The following RBFOX1 variants were observed in gnomAD, a reference collection of about 807,000 sequenced individuals.
The protein encoded by RBFOX1 is RNA binding fox-1 homolog 1.
A neutral mutation model predicts 57.7 loss-of-function variants in RBFOX1; 8 were observed. That is an observed-to-expected ratio of 0.14 (90% CI 0.08 to 0.25). RBFOX1 has a LOEUF of 0.25. RBFOX1 is among the 10% of genes least tolerant of loss of function. The pLI, the probability that RBFOX1 is intolerant of heterozygous loss-of-function variation, is 1.00. For synonymous variants in RBFOX1, 326 were observed against 222.4 expected, an observed-to-expected ratio of 1.47 and a Z score of -4.15; for missense variants, 611 against 548.5, an observed-to-expected ratio of 1.11 and a Z score of -1.14.
chr16:5,553,821 A>T (rs905462593), intron 2 of RBFOX1, among the ~76,000 whole-genome samples: 5 of 152,094 alleles, frequency 3.3e-5, no homozygotes, highest in African/African-American at 1.2e-4. Flanking sequence ...GTTTTTATAT[A>T]ATTAAAGGTC....
Position 7,518,333 on chromosome 16 carries a change from C to T in RBFOX1, c.214C>T (p.His72Tyr). The T allele has an allele frequency of 1.9e-6, 3 of 1,613,902 alleles. No individual in the cohort carries two copies. Among genetic ancestry groups the T allele is most frequent in the Non-Finnish European group, 2.5e-6 (3 of 1,179,896 alleles). Residue 72 changes from histidine to tyrosine, a missense_variant, in exon 5 of 16, where the codon CAC becomes TAC. Coordinates refer to ENST00000550418, the MANE Select transcript of RBFOX1 (RefSeq NM_018723.4). ...TLNLYPPAQT[H>Y]SEQSPADTSA... The stretch of plus-strand genomic sequence containing the variant: ...AAACCTGTACCCTCCCGCCCAGACG[C>T]ACTCCGAGCAGAGCCCGGCGGACAC...
chr16:7,025,643 A>T (rs963167606), intron 3 of RBFOX1, among the ~76,000 whole-genome samples: 6 of 152,046 alleles, frequency 3.9e-5, no homozygotes, highest in African/African-American at 1.4e-4. Context: ...GGTTTTGGAT[A>T]GAGGGGGGCA....
At chr16:6,896,156 C>G (rs562784195) in intron 3 of RBFOX1, among the ~76,000 whole-genome samples, 24 of 152,072 alleles carry the variant, frequency 1.6e-4, no homozygotes, top group Non-Finnish European at 2.6e-4. Flanking sequence ...GTCTGTAATC[C>G]CAGCTACTCA....
intron 2 of RBFOX1, among the ~76,000 whole-genome samples, chr16:6,653,698 G>C (rs1462859140): frequency 6.6e-6 from 1 of 151,194 alleles, no homozygotes; most frequent in Non-Finnish European, 1.5e-5. Flanking sequence ...ATGAAGGAAG[G>C]AAAGATGGAT....
At chr16:6,749,038 G>A (rs1019189845) in intron 3 of RBFOX1, 1 of 152,156 alleles carries the variant, frequency 6.6e-6, no homozygotes, top group Non-Finnish European at 1.5e-5. Flanking sequence ...AATGACAGGA[G>A]GAGCCAATCT....
chr16:7,135,319 G>C (rs372018895), intron 4 of RBFOX1, among the ~76,000 whole-genome samples: 1 of 152,162 alleles, frequency 6.6e-6, no homozygotes, highest in East Asian at 1.9e-4. Flanking sequence ...TTATTTGTTT[G>C]CAAGAGGAAA....
At position 5,922,645 on chromosome 16, in the gene RBFOX1, C is replaced by G. The variant is rs888321606; in HGVS notation, c.351+55310C>G. On this transcript the variant is annotated intron_variant, in intron 4 of 19. Coordinates refer to the RBFOX1 transcript ENST00000641259. ...CTGCTGGTTTAAACCATTTAACATC[C>G]CCACCATCAGTAACCACCCACCCTC... 2.0e-5 allele frequency among the ~76,000 whole-genome samples: 3 copies of G among 152,190 alleles called. No homozygotes were observed. The East Asian group carries it at 5.8e-4, about 29-fold the overall frequency.
intron 4 of RBFOX1, among the ~76,000 whole-genome samples, chr16:7,082,744 A>G (rs970356619): frequency 7.2e-5 from 11 of 152,130 alleles, no homozygotes; most frequent in Admixed American, 3.3e-4. Flanking sequence ...ATGTATCACA[A>G]TGGCATTCAA....
intron 1 of RBFOX1, among the ~76,000 whole-genome samples, chr16:5,273,373 G>C (rs1420873417): frequency 6.6e-6 from 1 of 152,084 alleles, no homozygotes; most frequent in Non-Finnish European, 1.5e-5. Flanking sequence ...AGGCATTGGA[G>C]ATAATATAAT....
At chr16:5,658,179 A>T (rs2049516877) in intron 3 of RBFOX1, among the ~76,000 whole-genome samples, 1 of 152,148 alleles carries the variant, frequency 6.6e-6, no homozygotes, top group South Asian at 2.1e-4. Flanking sequence ...GAAATGAAGA[A>T]AGGCTCGCAG....
At chr16:7,417,871 T>C (rs944794673) in intron 4 of RBFOX1, among the ~76,000 whole-genome samples, 23 of 152,198 alleles carry the variant, frequency 1.5e-4, no homozygotes, top group African/African-American at 5.1e-4. Context: ...CTTTCGTTCC[T>C]CTGTCATCTC....
At chr16:6,991,579 C>T (rs966178022) in intron 3 of RBFOX1, among the ~76,000 whole-genome samples, 1 of 152,148 alleles carries the variant, frequency 6.6e-6, no homozygotes, top group African/African-American at 2.4e-5. Context: ...CTCTGTCACC[C>T]AGGCTGGAGT....
At chr16:6,688,938 T>C (rs2059831652) in intron 3 of RBFOX1, among the ~76,000 whole-genome samples, 1 of 151,948 alleles carries the variant, frequency 6.6e-6, no homozygotes, top group Non-Finnish European at 1.5e-5. Context: ...GTTTCCAGCT[T>C]CGTCCATGTC....
At chr16:6,611,939 A>C (rs566964544) in intron 2 of RBFOX1, among the ~76,000 whole-genome samples, 1 of 152,128 alleles carries the variant, frequency 6.6e-6, no homozygotes, top group Non-Finnish European at 1.5e-5. Context: ...TAGCTTCTGC[A>C]GTCACCTCTT....
intron 3 of RBFOX1, among the ~76,000 whole-genome samples, chr16:5,642,137 T>A (rs1330564413): frequency 1.3e-5 from 2 of 152,140 alleles, no homozygotes; most frequent in Non-Finnish European, 2.9e-5. Flanking sequence ...GAAGAGTGAT[T>A]CACTTTAGAG....
At chr16:7,563,097 C>T (rs994050638) in intron 5 of RBFOX1, among the ~76,000 whole-genome samples, 7 of 152,128 alleles carry the variant, frequency 4.6e-5, no homozygotes, top group Non-Finnish European at 1.5e-5. Context: ...AATTTCTTTG[C>T]CGTAAGATGG....
At chr16:5,329,891 T>A (rs918781291) in intron 1 of RBFOX1, among the ~76,000 whole-genome samples, 1 of 151,148 alleles carries the variant, frequency 6.6e-6, no homozygotes, top group African/African-American at 2.5e-5. Context: ...AGTGATGTGA[T>A]GTGATGGCGT....
chr16:6,084,906 A>G (rs1266546803), intron 1 of RBFOX1, among the ~76,000 whole-genome samples: 2 of 152,166 alleles, frequency 1.3e-5, no homozygotes, highest in Non-Finnish European at 2.9e-5. Context: ...GTGCTCTGAG[A>G]TGATATCTCA....
At chr16:6,551,023 G>GGAGGAGA (rs2096980120) in intron 2 of RBFOX1, among the ~76,000 whole-genome samples, 1 of 152,164 alleles carries the variant, frequency 6.6e-6, no homozygotes, top group African/African-American at 2.4e-5. Context: ...TGACTGCAGA[G>GGAGGAGA]GAGGAGATGG....
Sources: allele counts gnomAD v4.1 joint callset (sites outside exome capture counted in the v4.1 genomes callset), GRCh38; gene constraint gnomAD v4.1.1; transcripts MANE v1.5; gene names NCBI Gene and HGNC (gene_info 2026-07-23, HGNC 2026-07-21).